SMIM31: variants seen among roughly 807,000 people sequenced by gnomAD.
SMIM31 encodes the protein small integral membrane protein 31.
intron 1 of SMIM31, among the ~76,000 whole-genome samples, chr4:164,758,513 A>G (rs1282864129): frequency 1.3e-5 from 2 of 152,078 alleles, no homozygotes; most frequent in Non-Finnish European, 2.9e-5. Flanking sequence ...TCCTTTATTA[A>G]ATTGAGGAAG....
In SMIM31 at chr4:164,769,274, C is replaced by T. The variant is rs563118734; in HGVS notation, c.-25-1145C>T. Among the ~76,000 whole-genome samples, 9 of 152,074 alleles carry T rather than the reference C, an allele frequency of 5.9e-5. No homozygotes were observed. The South Asian group carries it at 6.2e-4, about 11-fold the overall frequency. On this transcript the variant is annotated intron_variant, in intron 1 of 2. Transcript: ENST00000507311. ...GCAAAATACTGCTTCATCACGTCTC[C>T]GTACTACTAAGGACCTTATATTCAT...
Position 164,799,857 on chromosome 4 carries a change from G to A in SMIM31, c.113-1234G>A, listed in dbSNP as rs151231652. On this transcript the variant is annotated intron_variant, in intron 2 of 2. Coordinates refer to ENST00000507311, the MANE Select transcript of SMIM31 (RefSeq NM_001352885.1). ...TCAGTAAGAATTGCTGAATGAATGA[G>A]TGAATGAATGATTGAAGATAAGTGG... is the stretch of plus-strand genomic sequence containing the variant. 3.3e-5 allele frequency among the ~76,000 whole-genome samples: 5 copies of A among 152,348 alleles called. No homozygotes were observed. In the East Asian group the frequency reaches 7.7e-4, roughly 23 times the overall value.
chr4:164,777,020 G>C (rs1732887306), intron 2 of SMIM31, among the ~76,000 whole-genome samples: 1 of 152,146 alleles, frequency 6.6e-6, no homozygotes. Context: ...ATCACAGGCT[G>C]ATTTACGCAA....
At chr4:164,797,260 A>T (rs1312181863) in intron 2 of SMIM31, among the ~76,000 whole-genome samples, 5 of 152,140 alleles carry the variant, frequency 3.3e-5, no homozygotes, top group African/African-American at 1.2e-4. Context: ...AACATGCCAT[A>T]CATTTTCTTC....
At chr4:164,766,128 G>A (rs1002697740) in intron 1 of SMIM31, among the ~76,000 whole-genome samples, 2 of 152,172 alleles carry the variant, frequency 1.3e-5, no homozygotes, top group African/African-American at 2.4e-5. Context: ...CATCTCCCCC[G>A]TGAGGGCAAT....
At chr4:164,789,723 A>C (rs1158079584) in intron 2 of SMIM31, among the ~76,000 whole-genome samples, 1 of 152,210 alleles carries the variant, frequency 6.6e-6, no homozygotes, top group Admixed American at 6.5e-5. Flanking sequence ...GCATTACCAC[A>C]GTGCATTTCT....
intron 2 of SMIM31, among the ~76,000 whole-genome samples, chr4:164,772,782 G>A (rs1220904244): frequency 6.6e-6 from 1 of 151,384 alleles, no homozygotes; most frequent in Non-Finnish European, 1.5e-5. Flanking sequence ...GTTTCACCGT[G>A]TTAGCCGGGA....
chr4:164,783,894 C>T (rs1341371209), intron 2 of SMIM31, among the ~76,000 whole-genome samples: 2 of 152,242 alleles, frequency 1.3e-5, no homozygotes, highest in East Asian at 3.9e-4. Flanking sequence ...ACTACTTATA[C>T]AGAAAAACCT....
At chr4:164,767,610 A>T (rs1445719737) in intron 1 of SMIM31, among the ~76,000 whole-genome samples, 2 of 152,238 alleles carry the variant, frequency 1.3e-5, no homozygotes, top group Non-Finnish European at 2.9e-5. Flanking sequence ...CAGATGCTCC[A>T]TCAAGGATAT....
chr4:164,770,564 A>G lies in SMIM31; in HGVS notation c.112+9A>G, dbSNP rs367619876. 5.0e-6 allele frequency: 2 copies of G among 399,014 alleles called. No individual in the cohort carries two copies. 24.7% of individuals were successfully genotyped at this position (399,014 alleles called of 1,614,324 possible). A position where few individuals can be genotyped will look rare whatever the true frequency, so the allele number is the denominator to read the frequency against. On this transcript the variant is annotated intron_variant, in intron 2 of 2. Transcript: ENST00000507311. ...GGATGACAGTAATGAAGGTAAAAGA[A>G]GACAAAAAGAACAAAGCTCTTTGTG...
chr4:164,764,579 G>GA (rs1390344629), intron 1 of SMIM31, among the ~76,000 whole-genome samples: 1 of 140,700 alleles, frequency 7.1e-6, no homozygotes, highest in Non-Finnish European at 1.6e-5. Flanking sequence ...AAAAAAAAAA[G>GA]AAAAAAATAG....
intron 2 of SMIM31, among the ~76,000 whole-genome samples, chr4:164,798,061 G>A (rs1733228231): frequency 6.6e-6 from 1 of 152,012 alleles, no homozygotes; most frequent in African/African-American, 2.4e-5. Context: ...CAAAAGACAT[G>A]ATTTCATTCT....
At chr4:164,784,104 C>A (rs901366739) in intron 2 of SMIM31, among the ~76,000 whole-genome samples, 1 of 152,190 alleles carries the variant, frequency 6.6e-6, no homozygotes, top group African/African-American at 2.4e-5. Context: ...AAAAGTACAA[C>A]TAACGATGAA....
chr4:164,799,013 C>G (rs1733247927), intron 2 of SMIM31, among the ~76,000 whole-genome samples: 1 of 152,132 alleles, frequency 6.6e-6, no homozygotes, highest in Non-Finnish European at 1.5e-5. Flanking sequence ...CCTGAGGCCT[C>G]CCTGGAAGCT....
At chr4:164,775,848 C>T (rs1732874242) in intron 2 of SMIM31, among the ~76,000 whole-genome samples, 1 of 152,164 alleles carries the variant, frequency 6.6e-6, no homozygotes, top group South Asian at 2.1e-4. Flanking sequence ...GATCTGCTCC[C>T]TCACCTACAA....
chr4:164,756,592 A>T (rs1043278368), intron 1 of SMIM31, among the ~76,000 whole-genome samples: 1 of 151,706 alleles, frequency 6.6e-6, no homozygotes, highest in Non-Finnish European at 1.5e-5. Context: ...TAATAATAAT[A>T]TAAACAAATA....
At chr4:164,762,296 T>A (rs1413213543) in intron 1 of SMIM31, among the ~76,000 whole-genome samples, 1 of 152,182 alleles carries the variant, frequency 6.6e-6, no homozygotes, top group Admixed American at 6.5e-5. Flanking sequence ...ATACCTAACA[T>A]CAACAGAAAG....
chr4:164,798,310 T>C (rs1056294949), intron 2 of SMIM31, among the ~76,000 whole-genome samples: 1 of 151,860 alleles, frequency 6.6e-6, no homozygotes, highest in Non-Finnish European at 1.5e-5. Context: ...CTCAGGTCAC[T>C]GCAAGCTCCG....
chr4:164,784,280 T>C (rs554817697), intron 2 of SMIM31, among the ~76,000 whole-genome samples: 12 of 152,324 alleles, frequency 7.9e-5, no homozygotes, highest in African/African-American at 2.9e-4. Context: ...CTTTGAGTTA[T>C]TATAGACTAA....
Sources: gnomAD v4.1 joint callset for allele counts (sites outside exome capture counted in the v4.1 genomes callset) on GRCh38, gnomAD v4.1.1 for gene constraint, MANE v1.5 for transcripts, NCBI Gene and HGNC (gene_info 2026-07-23, HGNC 2026-07-21) for gene names.